The following PRH1 variants were observed in gnomAD, a reference collection of about 807,000 sequenced individuals.
PRH1 encodes salivary acidic proline-rich phosphoprotein 1/2.
Under a neutral mutation model 7.9 loss-of-function variants are expected in PRH1, and 7 were observed. The ratio of observed to expected loss-of-function variants is 0.89; its 90% CI spans 0.50 to 1.67. The LOEUF (loss-of-function observed/expected upper bound fraction) is 1.67. PRH1 is among the 40% of genes most tolerant of loss of function. The pLI is 0.00. For synonymous variants in PRH1, 45 were observed against 80.8 expected, an observed-to-expected ratio of 0.56 and a Z score of 2.38; for missense variants, 109 against 223.6, an observed-to-expected ratio of 0.49 and a Z score of 3.27.
intron 1 of PRH1, among the ~76,000 whole-genome samples, chr12:11,108,423 T>C (rs1945491604): frequency 6.6e-6 from 1 of 152,192 alleles, no homozygotes; most frequent in East Asian, 1.9e-4. Context: ...CCCAGCAAGA[T>C]CAACACAAAA....
chr12:10,904,952 G>A (rs562273296), intron 2 of PRH1, among the ~76,000 whole-genome samples: 1 of 151,134 alleles, frequency 6.6e-6, no homozygotes, highest in East Asian at 2.0e-4. Flanking sequence ...TTAGAGACAC[G>A]CAAATCAAAA....
chr12:10,924,112 C>T (rs1392819359), intron 2 of PRH1, among the ~76,000 whole-genome samples: 2 of 151,472 alleles, frequency 1.3e-5, no homozygotes, highest in Admixed American at 6.6e-5. Context: ...CTCAGCCTCC[C>T]GAGTAGCTGG....
chr12:10,889,220 C>T (rs866033441), upstream of PRH1, among the ~76,000 whole-genome samples: 1 of 152,062 alleles, frequency 6.6e-6, no homozygotes, highest in African/African-American at 2.4e-5. Flanking sequence ...TCCTAGGTTT[C>T]TAGCTTTTCT....
At chr12:11,118,198 A>C (rs1226440342), downstream of PRH1, among the ~76,000 whole-genome samples, 1 of 152,220 alleles carries the variant, frequency 6.6e-6, no homozygotes, top group Non-Finnish European at 1.5e-5. Flanking sequence ...AGAATATAAA[A>C]GGAGCTTAAA....
rs374899208 is a variant in PRH1, at chr12:11,070,237, C to T, written n.124-23049G>A. ...CAGGAATAGGGTGAGTAGGCTAAGG[C>T]ATGCGTGTTAAGAGAGAAAATGGTG... is the stretch of plus-strand genomic sequence containing the variant. On this transcript the variant is annotated intron_variant and non_coding_transcript_variant, in intron 1 of 4. Transcript: ENST00000541977. 3.2e-4 allele frequency among the ~76,000 whole-genome samples: 49 copies of T among 152,266 alleles called. No individual in the cohort carries two copies. The South Asian group carries it at 7.1e-3, about 22-fold the overall frequency.
chr12:10,893,168 T>C (rs1276054489), intron 2 of PRH1, among the ~76,000 whole-genome samples: 1 of 152,222 alleles, frequency 6.6e-6, no homozygotes, highest in Admixed American at 6.5e-5. Context: ...TCATGTGCAT[T>C]GTGAGATATT....
chr12:11,122,203 T>C (rs1220830602), intron 1 of PRH1, among the ~76,000 whole-genome samples: 1 of 152,260 alleles, frequency 6.6e-6, no homozygotes, highest in East Asian at 1.9e-4. Flanking sequence ...CTCTTTTCCA[T>C]TTACCATAAG....
At chr12:11,079,742 A>G (rs1231225926) in intron 1 of PRH1, among the ~76,000 whole-genome samples, 1 of 117,678 alleles carries the variant, frequency 8.5e-6, no homozygotes, top group Non-Finnish European at 2.0e-5. Flanking sequence ...ACCTATTGAA[A>G]AATCTGGGAT....
chr12:11,067,559 A>G (rs1591939922), intron 1 of PRH1, among the ~76,000 whole-genome samples: 1 of 152,196 alleles, frequency 6.6e-6, no homozygotes, highest in South Asian at 2.1e-4. Flanking sequence ...TTAAAAAAAT[A>G]TTAATTTAAG....
At chr12:10,908,594 G>A (rs567360016) in intron 2 of PRH1, 2 of 1,613,842 alleles carry the variant, frequency 1.2e-6, no homozygotes, top group Admixed American at 3.3e-5. Context: ...AAAGGAATGA[G>A]ATCACAATTT....
intron 1 of PRH1, among the ~76,000 whole-genome samples, chr12:11,060,579 A>G (rs1211210001): frequency 7.9e-5 from 12 of 152,174 alleles, no homozygotes; most frequent in Non-Finnish European, 1.3e-4. Flanking sequence ...TGACTTTTCT[A>G]ACTACATATG....
intron 1 of PRH1, among the ~76,000 whole-genome samples, chr12:10,989,260 C>G (rs1165234513): frequency 6.6e-6 from 1 of 152,136 alleles, no homozygotes; most frequent in South Asian, 2.1e-4. Flanking sequence ...CTGAAATTTA[C>G]TCACATACTT....
At chr12:11,101,075 TAAG>T (rs1015191644) in intron 1 of PRH1, among the ~76,000 whole-genome samples, 2 of 152,242 alleles carry the variant, frequency 1.3e-5, no homozygotes, top group African/African-American at 4.8e-5. Context: ...AAATTGGAAA[TAAG>T]AAAAAAGGTG....
chr12:11,148,682 G>A (rs556360124), intron 1 of PRH1, among the ~76,000 whole-genome samples: 1,154 of 94,634 alleles, frequency 0.012, 88 homozygotes, highest in Non-Finnish European at 0.021. Context: ...TGCTGGATTC[G>A]GTTTGCCAGT....
chr12:11,147,474 C>G (rs1946899264), intron 1 of PRH1, among the ~76,000 whole-genome samples: 1 of 152,310 alleles, frequency 6.6e-6, no homozygotes, highest in African/African-American at 2.4e-5. Flanking sequence ...AGACATGAGC[C>G]ATGACACCTG....
chr12:11,013,133 T>G (rs1941140925), intron 1 of PRH1, among the ~76,000 whole-genome samples: 1 of 152,114 alleles, frequency 6.6e-6, no homozygotes, highest in Non-Finnish European at 1.5e-5. Context: ...AAATACCCAG[T>G]GACCAGATCA....
At chr12:11,151,793 A>T (rs1368287103) in intron 1 of PRH1, among the ~76,000 whole-genome samples, 2 of 152,204 alleles carry the variant, frequency 1.3e-5, no homozygotes, top group Admixed American at 1.3e-4. Context: ...ATTGGGTACT[A>T]AATTTATTTA....
intron 2 of PRH1, among the ~76,000 whole-genome samples, chr12:10,943,798 T>G (rs1950441921): frequency 6.6e-6 from 1 of 152,236 alleles, no homozygotes; most frequent in African/African-American, 2.4e-5. Context: ...AGCTAGCCAG[T>G]TATCCCAGTG....
At chr12:11,151,560 G>T (rs61928565) in intron 1 of PRH1, among the ~76,000 whole-genome samples, 69,178 of 152,002 alleles carry the variant, frequency 0.46, 16,546 homozygotes, top group Non-Finnish European at 0.53. Flanking sequence ...TCTTGTATTT[G>T]CTCTCTTCCT....
Sources: gnomAD v4.1 joint callset for allele counts (sites outside exome capture counted in the v4.1 genomes callset) on GRCh38, gnomAD v4.1.1 for gene constraint, MANE v1.5 for transcripts, NCBI Gene and HGNC (gene_info 2026-07-23, HGNC 2026-07-21) for gene names.